The following CMTM3 variants were observed in gnomAD, a reference collection of about 807,000 sequenced individuals.
CMTM3 encodes the protein CKLF like MARVEL transmembrane domain containing 3.
In CMTM3, 7 loss-of-function variants were observed where a neutral mutation model predicts 18.2. The observed-to-expected ratio is 0.38, with a 90% CI of 0.22 to 0.72. CMTM3 has a LOEUF of 0.72. CMTM3 is among the 30% of genes least tolerant of loss of function. The pLI is 0.46. For synonymous variants in CMTM3, 109 were observed against 111.2 expected (o/e 0.98, Z 0.12); for missense variants, 227 against 249.2 (o/e 0.91, Z 0.60).
chr16:66,607,856 G>A lies in CMTM3; in HGVS notation c.148-453G>A, dbSNP rs556963461. On this transcript the variant is annotated intron_variant, in intron 1 of 4. Coordinates refer to ENST00000567572, the MANE Select transcript of CMTM3 (RefSeq NM_181553.4). Reference sequence around the variant, plus strand: ...CTGGGTTTTTTTTTTTTGTAGGGGCGGGTGCGGACAGGGTCTCTCTCTCTC... The same window carrying A: ...CTGGGTTTTTTTTTTTTGTAGGGGCAGGTGCGGACAGGGTCTCTCTCTCTC... Among the ~76,000 whole-genome samples, 37 of 151,448 alleles carry A rather than the reference G, an allele frequency of 2.4e-4. No individual in the cohort carries two copies. In the South Asian group the frequency reaches 5.9e-3, roughly 24 times the overall value.
chr16:66,606,468 AC>A (rs2015157639), intron 1 of CMTM3, among the ~76,000 whole-genome samples: 1 of 152,132 alleles, frequency 6.6e-6, no homozygotes, highest in East Asian at 1.9e-4. Flanking sequence ...GCTCAGCTGC[AC>A]CCAAGGCCAT....
chr16:66,611,895 C>G (rs1045658519), intron 4 of CMTM3, among the ~76,000 whole-genome samples: 3 of 151,672 alleles, frequency 2.0e-5, no homozygotes, highest in Non-Finnish European at 4.4e-5. Context: ...GCTGATTTTC[C>G]AGTATATTTT....
At position 66,604,747 on chromosome 16, in the gene CMTM3, C is replaced by T. The variant is rs1176090169; in HGVS notation, c.-59C>T. 3.3e-6 allele frequency: 4 copies of T among 1,197,992 alleles called. No homozygotes were observed. Among genetic ancestry groups the T allele is most frequent in the Non-Finnish European group, 4.2e-6 (4 of 962,266 alleles). The allele number at this position is 1,197,992 out of a possible 1,614,324, so 74.2% of individuals were successfully genotyped here. A position where few individuals can be genotyped will look rare whatever the true frequency, so the allele number is the denominator to read the frequency against. ...TCCGCACAGCCCGGGTTTCCGCTTC[C>T]CTCCGGGCGCGAGAAGAGGGGAGCC... is the stretch of plus-strand genomic sequence containing the variant. On this transcript the variant is annotated 5_prime_UTR_variant, in exon 1 of 5. Coordinates refer to ENST00000567572, the MANE Select transcript of CMTM3 (RefSeq NM_181553.4).
Position 66,604,888 on chromosome 16 carries a change from G to C in CMTM3, c.83G>C (p.Arg28Pro). The C allele has an allele frequency of 1.4e-6, 2 of 1,433,714 alleles. No individual in the cohort carries two copies. 88.8% of individuals were successfully genotyped at this position (1,433,714 alleles called of 1,614,324 possible). A position where few individuals can be genotyped will look rare whatever the true frequency, so the allele number is the denominator to read the frequency against. ...SRPGPAVPGL[R>P]ALLPARAFLC... ...CCCGGCCCCGCGGTCCCCGGGCTCC[G>C]CGCCCTGCTGCCGGCGCGGGCTTTC... Residue 28 changes from arginine to proline, a missense_variant, in exon 1 of 5, where the codon CGC becomes CCC. Arg to Pro is a moderately radical substitution (Grantham distance 103). Transcript: ENST00000567572.
intron 1 of CMTM3, among the ~76,000 whole-genome samples, chr16:66,607,108 C>T (rs1238511682): frequency 2.0e-5 from 3 of 152,214 alleles, no homozygotes; most frequent in African/African-American, 4.8e-5. Flanking sequence ...TGGGGCTGTG[C>T]TCATGGGTGG....
rs1437721672 is a variant in CMTM3, at chr16:66,604,733, C to A, written c.-73C>A. 1 of 1,145,762 alleles carries A rather than the reference C, an allele frequency of 8.7e-7. No individual in the cohort carries two copies. Among genetic ancestry groups the A allele is most frequent in the African/African-American group, 1.6e-5 (1 of 61,884 alleles). The allele number at this position is 1,145,762 out of a possible 1,614,324, so 71.0% of individuals were successfully genotyped here. ...TCGCCTGCCCTCCTTCCGCACAGCC[C>A]GGGTTTCCGCTTCCCTCCGGGCGCG... On this transcript the variant is annotated 5_prime_UTR_variant, in exon 1 of 5. Coordinates refer to ENST00000567572, the MANE Select transcript of CMTM3 (RefSeq NM_181553.4).
chr16:66,607,948 T>A (rs1056833258), intron 1 of CMTM3, among the ~76,000 whole-genome samples: 2 of 151,676 alleles, frequency 1.3e-5, no homozygotes, highest in African/African-American at 4.8e-5. Flanking sequence ...CGGGCTCAGG[T>A]GATCCTCCCA....
At chr16:66,611,611 T>C (rs767728512) in intron 4 of CMTM3, among the ~76,000 whole-genome samples, 8 of 151,972 alleles carry the variant, frequency 5.3e-5, no homozygotes, top group African/African-American at 9.7e-5. Flanking sequence ...ACTGGGGTTC[T>C]GAGAGACAGA....
chr16:66,611,104 T>C (rs1041575235), intron 4 of CMTM3: 2 of 386,730 alleles, frequency 5.2e-6, no homozygotes, highest in Non-Finnish European at 4.6e-6. Flanking sequence ...TTTGGAGAGT[T>C]TCACATATGT....
rs1456980097 is a variant in CMTM3 at position 66,610,922 on chromosome 16, C to T, written c.520+919C>T. ...CTGCTGAAAATGAATGCCACTCATC[C>T]CATCCCGTCCCTTGGCAAATATTAG... On this transcript the variant is annotated intron_variant, in intron 4 of 4. Coordinates refer to ENST00000567572, the MANE Select transcript of CMTM3 (RefSeq NM_181553.4). This position sits in a 1 kb window ranked among gnomAD's most constrained non-coding sequence, Gnocchi z 4.6. 7 of 398,474 alleles carry T rather than the reference C, an allele frequency of 1.8e-5. No homozygotes were observed. The highest frequency in any genetic ancestry group is 2.7e-5 in the Non-Finnish European group (6 of 226,060). 24.7% of individuals were successfully genotyped at this position (398,474 alleles called of 1,614,324 possible). A position where few individuals can be genotyped will look rare whatever the true frequency, so the allele number is the denominator to read the frequency against.
chr16:66,609,497 C>G lies in CMTM3; in HGVS notation c.366C>G (p.Ala122=). The change falls in exon 3 of 5, where the codon GCC becomes GCG. Residue 122 remains alanine (A), a synonymous_variant. Transcript: ENST00000567572. The surrounding 1 kb of genome is among the most constrained non-coding windows in gnomAD (Gnocchi z 4.4). ...TTGCTATCTCCATCACGGCCATCGCCAAGTACTCGGATGGGGCTTCCAAAG... is the reference window on the plus strand; with the variant it reads ...TTGCTATCTCCATCACGGCCATCGCGAAGTACTCGGATGGGGCTTCCAAAG... ...IYFAISITAI[A]KYSDGASKAA... is the part of the protein sequence containing the mutation. 6.2e-7 allele frequency: 1 copy of G among 1,609,626 alleles called. No homozygotes were observed.
In CMTM3 at chr16:66,612,395, A is replaced by C. The variant is rs967716158; in HGVS notation, c.521-214A>C. Among the ~76,000 whole-genome samples, 31 of 152,026 alleles carry C rather than the reference A, an allele frequency of 2.0e-4. No homozygotes were observed. The highest frequency in any genetic ancestry group is 1.8e-3 in the Admixed American group (27 of 15,270). On this transcript the variant is annotated intron_variant, in intron 4 of 4. Coordinates refer to ENST00000567572, the MANE Select transcript of CMTM3 (RefSeq NM_181553.4). This position sits in a 1 kb window ranked among gnomAD's most constrained non-coding sequence, Gnocchi z 6.0. ...TCTCAAAGACAAAAAACAACAACAA[A>C]AAAAAAAGAGAGAGAGAAAGTGGCT...
intron 1 of CMTM3, among the ~76,000 whole-genome samples, chr16:66,607,553 ACTTCAGGACG>A (rs146529558): frequency 0.048 from 7,385 of 152,348 alleles, 281 homozygotes; most frequent in East Asian, 0.11. Context: ...AACTCTGAAC[ACTTCAGGACG>A]CATATCATTA....
Position 66,609,535 on chromosome 16 carries a change from G to C in CMTM3, c.399+5G>C. 6.3e-7 allele frequency: 1 copy of C among 1,590,112 alleles called. No individual in the cohort carries two copies. The highest frequency in any genetic ancestry group is 1.3e-5 in the African/African-American group (1 of 74,790). On this transcript the variant is annotated splice_donor_5th_base_variant and intron_variant, in intron 3 of 4. Coordinates refer to ENST00000567572, the MANE Select transcript of CMTM3 (RefSeq NM_181553.4). This position sits in a 1 kb window ranked among gnomAD's most constrained non-coding sequence, Gnocchi z 4.4. ...GGGGCTTCCAAAGCCGCTGGGGTGA[G>C]CAGCCGCCCCACCCCTCTGGAAACT...
rs535310604 is a variant in CMTM3 at position 66,609,358 on chromosome 16, C to T, written c.304-77C>T. On this transcript the variant is annotated intron_variant, in intron 2 of 4. Transcript: ENST00000567572. The surrounding 1 kb of genome is among the most constrained non-coding windows in gnomAD (Gnocchi z 4.4). ...GGTGCTAGGCCTGGGGCTGGGAACA[C>T]GACCAGGCTGCCAGGCCTCCTCCCC... 67 of 1,315,164 alleles carry T rather than the reference C, an allele frequency of 5.1e-5. 1 individual carries two copies. Among genetic ancestry groups the T allele is most frequent in the Middle Eastern group, 2.0e-4 (1 of 5,102 alleles). 81.5% of individuals were successfully genotyped at this position (1,315,164 alleles called of 1,614,324 possible). A position where few individuals can be genotyped will look rare whatever the true frequency, so the allele number is the denominator to read the frequency against.
chr16:66,604,613 G>A (rs966259505), upstream of CMTM3: 8 of 387,304 alleles, frequency 2.1e-5, no homozygotes, highest in South Asian at 5.3e-4. Context: ...AGCATCCCCC[G>A]CAGCCGGGGT....
Position 66,608,357 on chromosome 16 carries a change from G to T in CMTM3, c.196G>T (p.Ala66Ser). 6.2e-7 allele frequency: 1 copy of T among 1,614,190 alleles called. No homozygotes were observed. The highest frequency in any genetic ancestry group is 8.5e-7 in the Non-Finnish European group (1 of 1,180,040). Residue 66 changes from alanine (A) to serine (S), a missense_variant, in exon 2 of 5, where the codon GCC becomes TCC. Coordinates refer to ENST00000567572, the MANE Select transcript of CMTM3 (RefSeq NM_181553.4). The surrounding 1 kb of genome is among the most constrained non-coding windows in gnomAD (Gnocchi z 5.1). ...CTGCTATGTGGCGTCCTCAGCATCT[G>T]CCTTCCTCACAGCGCCTCTGCTGGA... ...FICYVASSASAFLTAPLLEFL... is the reference protein window; with the variant it reads ...FICYVASSASSFLTAPLLEFL...
rs538114514 is a variant in CMTM3 at position 66,610,400 on chromosome 16, G to A, written c.520+397G>A. Among the ~76,000 whole-genome samples the A allele has an allele frequency of 3.3e-5, 5 of 152,292 alleles. No individual in the cohort carries two copies. In the South Asian group the frequency reaches 1.0e-3, roughly 32 times the overall value. On this transcript the variant is annotated intron_variant, in intron 4 of 4. Coordinates refer to ENST00000567572, the MANE Select transcript of CMTM3 (RefSeq NM_181553.4). The surrounding 1 kb of genome is among the most constrained non-coding windows in gnomAD (Gnocchi z 4.6). ...TCCTGGGAAGCTCAGAGCCCAGAAA[G>A]GAGTCAGACCCAGAAACCGTGGCAA...
At chr16:66,611,848 G>A (rs1014288150) in intron 4 of CMTM3, among the ~76,000 whole-genome samples, 2 of 152,140 alleles carry the variant, frequency 1.3e-5, no homozygotes, top group Non-Finnish European at 2.9e-5. Context: ...GATTGGGGGA[G>A]GGGGATTGAA....
Sources: allele counts gnomAD v4.1 joint callset (sites outside exome capture counted in the v4.1 genomes callset), GRCh38; gene constraint gnomAD v4.1.1; non-coding constraint Gnocchi (gnomAD v3.1); transcripts MANE v1.5; gene names NCBI Gene and HGNC (gene_info 2026-07-23, HGNC 2026-07-21).